Variants in KCNAB2 observed in about 807,000 individuals in gnomAD.
KCNAB2 encodes potassium voltage-gated channel subfamily A regulatory beta subunit 2.
Under a neutral mutation model 63.6 loss-of-function variants are expected in KCNAB2, and 29 were observed. That is an observed-to-expected ratio of 0.46 (90% confidence interval 0.34 to 0.62). The LOEUF (loss-of-function observed/expected upper bound fraction) is 0.62. Ranked by LOEUF, KCNAB2 falls within the 20% of genes least tolerant of loss-of-function variation. The pLI, the probability that KCNAB2 is intolerant of heterozygous loss-of-function variation, is 0.01. For missense variants in KCNAB2, 359 were observed against 563.9 expected (o/e 0.64, Z 3.68); for synonymous variants, 222 against 224.2 (o/e 0.99, Z 0.09).
chr1:6,083,587 C>T (rs1557498044), intron 5 of KCNAB2, among the ~76,000 whole-genome samples: 1 of 152,204 alleles, frequency 6.6e-6, no homozygotes, highest in Non-Finnish European at 1.5e-5. Context: ...TGTGGAATCC[C>T]CTGCCCTCTG....
intron 1 of KCNAB2, among the ~76,000 whole-genome samples, chr1:5,999,934 G>T (rs553479007): frequency 7.0e-6 from 1 of 143,200 alleles, no homozygotes; most frequent in Admixed American, 7.0e-5. Flanking sequence ...TCCGCATCCC[G>T]CCTGCGCCCT....
intron 1 of KCNAB2, among the ~76,000 whole-genome samples, chr1:6,019,518 G>A (rs1434684247): frequency 6.6e-6 from 1 of 152,134 alleles, no homozygotes; most frequent in Non-Finnish European, 1.5e-5. Flanking sequence ...AAAGAGAGTG[G>A]CAGGGTGCTG....
At chr1:6,051,438 C>T (rs1253587557) in intron 1 of KCNAB2, 73 bp from the exon 2 acceptor site, 2 of 1,411,222 alleles carry the variant, frequency 1.4e-6, no homozygotes, top group Admixed American at 2.9e-5. Context: ...CTGCCCCCTG[C>T]CCCAGGGCCA....
At chr1:6,036,241 A>G (rs1660028731) in intron 1 of KCNAB2, among the ~76,000 whole-genome samples, 1 of 152,222 alleles carries the variant, frequency 6.6e-6, no homozygotes, top group South Asian at 2.1e-4. Context: ...GGTGGCTCAC[A>G]TCTGTAATCC....
chr1:6,056,779 G>C (rs1661867036), intron 2 of KCNAB2, among the ~76,000 whole-genome samples: 1 of 152,152 alleles, frequency 6.6e-6, no homozygotes, highest in Admixed American at 6.5e-5. Context: ...CGCACTTTCT[G>C]TTCCCTCTTC....
chr1:6,018,292 T>G (rs1235663412), intron 1 of KCNAB2, among the ~76,000 whole-genome samples: 1 of 152,148 alleles, frequency 6.6e-6, no homozygotes, highest in Admixed American at 6.5e-5. Flanking sequence ...TGCAGGAAAT[T>G]CAGTCTCTAT....
In KCNAB2 at chr1:6,082,271, G is replaced by GTAGGGGTTAAT; in HGVS notation, c.377_378insTAGGGGTTAAT (p.Lys127ArgfsTer3). 1 of 1,611,334 alleles carries GTAGGGGTTAAT rather than the reference G, an allele frequency of 6.2e-7. No homozygotes were observed. The highest frequency in any genetic ancestry group is 8.5e-7 in the Non-Finnish European group (1 of 1,178,322). On this transcript the variant is annotated stop_gained and frameshift_variant, in exon 5 of 16. Transcript: ENST00000378083. LOFTEE classifies it high-confidence loss of function. Reference sequence around the variant, plus strand: ...GATACAGCAGAAGTCTACGCAGCCGGCAAGTACGTGTCTTTTCACACGGGA... The same window carrying GTAGGGGTTAAT: ...GATACAGCAGAAGTCTACGCAGCCGGTAGGGGTTAATCAAGTACGTGTCTTTTCACACGGGA...
chr1:6,002,522 T>C (rs925751098), intron 1 of KCNAB2, among the ~76,000 whole-genome samples: 1 of 152,260 alleles, frequency 6.6e-6, no homozygotes, highest in African/African-American at 2.4e-5. Context: ...TCATCTGTAC[T>C]GAGGGCTCTG....
intron 1 of KCNAB2, among the ~76,000 whole-genome samples, chr1:6,029,156 G>A (rs1286255550): frequency 6.6e-6 from 1 of 152,058 alleles, no homozygotes; most frequent in Non-Finnish European, 1.5e-5. Context: ...GGCAGCGTGT[G>A]CCTGTAGTCC....
At chr1:6,088,920 G>C in intron 7 of KCNAB2, 88 bp from the exon 8 acceptor site, 1 of 1,278,720 alleles carries the variant, frequency 7.8e-7, no homozygotes, top group African/African-American at 1.5e-5. Flanking sequence ...CTGTTTTTGC[G>C]TCTAACATTG....
chr1:6,076,831 C>T (rs924132748), intron 4 of KCNAB2, among the ~76,000 whole-genome samples: 9 of 152,202 alleles, frequency 5.9e-5, no homozygotes, highest in Non-Finnish European at 1.5e-5. Context: ...ACCAAAAAGT[C>T]ACAACATAAA....
Position 6,024,654 on chromosome 1 carries a change from G to A in KCNAB2, c.-52-15863G>A, listed in dbSNP as rs1027076969. Among the ~76,000 whole-genome samples the A allele has an allele frequency of 7.2e-5, 11 of 152,154 alleles. No homozygotes were observed. Among genetic ancestry groups the A allele is most frequent in the Admixed American group, 6.5e-4 (10 of 15,272 alleles). On this transcript the variant is annotated intron_variant, in intron 1 of 16. Transcript: ENST00000341524. This position sits in a 1 kb window ranked among gnomAD's most constrained non-coding sequence, Gnocchi z 5.4. ...TCTGCAGCTGTGGTCTGTGATAGCC[G>A]TGAATACAGTCTGTGTTTGGAGACC...
intron 1 of KCNAB2, among the ~76,000 whole-genome samples, chr1:6,002,898 T>G (rs1368557021): frequency 6.6e-6 from 1 of 152,164 alleles, no homozygotes; most frequent in African/African-American, 2.4e-5. Flanking sequence ...GCAGCTGCCC[T>G]GTGTTGCAGA....
chr1:6,032,639 A>G (rs936321407), upstream of KCNAB2, among the ~76,000 whole-genome samples: 4 of 151,928 alleles, frequency 2.6e-5, no homozygotes, highest in Non-Finnish European at 5.9e-5. Context: ...AAAAGGAAGG[A>G]AAGAAGGAAG....
Position 6,051,657 on chromosome 1 carries a change from CG to C in KCNAB2, c.124del (p.Ala42ArgfsTer29). ...GGAACTGCAGCGGCTGCGGGAGGTG[CG>C]GGCGGCTGCCCAGGCCAGGAACATG... ...TLELQRLREVRAAAQARNMES... is the reference protein window; with the variant it reads ...TLELQRLREVXAAAQARNMES... On this transcript the variant is annotated frameshift_variant, in exon 2 of 16. Coordinates refer to ENST00000378083, the MANE Select transcript of KCNAB2 (RefSeq NM_001199862.2). LOFTEE classifies it high-confidence loss of function. 1 of 1,534,080 alleles carries C rather than the reference CG, an allele frequency of 6.5e-7. No homozygotes were observed. Among genetic ancestry groups the C allele is most frequent in the Non-Finnish European group, 8.7e-7 (1 of 1,146,672 alleles).
intron 2 of KCNAB2, among the ~76,000 whole-genome samples, chr1:6,059,301 C>A (rs1570984934): frequency 1.3e-5 from 2 of 152,294 alleles, no homozygotes; most frequent in South Asian, 4.1e-4. Flanking sequence ...AGTAATCCTC[C>A]AGCCTCAGCC....
At chr1:6,023,799 GTCT>G (rs1201683916) in intron 1 of KCNAB2, among the ~76,000 whole-genome samples, 2 of 152,048 alleles carry the variant, frequency 1.3e-5, no homozygotes, top group African/African-American at 2.4e-5. Context: ...ATAGAGGTGG[GTCT>G]TCTTATGTTG....
intron 4 of KCNAB2, among the ~76,000 whole-genome samples, chr1:6,075,369 G>A (rs907484297): frequency 2.6e-5 from 4 of 152,226 alleles, no homozygotes; most frequent in African/African-American, 4.8e-5. Flanking sequence ...TGGCAGCCCC[G>A]CTGGCCCAGG....
chr1:6,001,633 G>A (rs1355241119), intron 1 of KCNAB2, among the ~76,000 whole-genome samples: 1 of 152,142 alleles, frequency 6.6e-6, no homozygotes, highest in African/African-American at 2.4e-5. Context: ...CTCAGGTCAG[G>A]GGACGCTTCC....
Sources: gnomAD v4.1 joint callset for allele counts (sites outside exome capture counted in the v4.1 genomes callset) on GRCh38, gnomAD v4.1.1 for gene constraint, Gnocchi (gnomAD v3.1) non-coding constraint, MANE v1.5 for transcripts, NCBI Gene and HGNC (gene_info 2026-07-23, HGNC 2026-07-21) for gene names.